The following RBFOX1 variants were observed in gnomAD, a reference collection of about 807,000 sequenced individuals.
The protein encoded by RBFOX1 is RNA binding fox-1 homolog 1.
Under a neutral mutation model 57.7 loss-of-function variants are expected in RBFOX1, and 8 were observed. The observed-to-expected ratio is 0.14, with a 90% CI of 0.08 to 0.25. The LOEUF (loss-of-function observed/expected upper bound fraction) is 0.25, where lower values mean the gene tolerates loss of function less well. RBFOX1 is among the 10% of genes least tolerant of loss of function. RBFOX1 has a pLI of 1.00. For missense variants in RBFOX1, 611 were observed against 548.5 expected (o/e 1.11, Z -1.14); for synonymous variants, 326 against 222.4 (o/e 1.47, Z -4.15).
chr16:5,920,516 C>A (rs1211611957), intron 4 of RBFOX1, among the ~76,000 whole-genome samples: 6 of 152,142 alleles, frequency 3.9e-5, no homozygotes, highest in African/African-American at 1.4e-4. Context: ...TATAGGGGAA[C>A]TGATCACAGC....
chr16:5,797,732 A>G (rs1288180258), intron 3 of RBFOX1, among the ~76,000 whole-genome samples: 2 of 152,222 alleles, frequency 1.3e-5, no homozygotes, highest in African/African-American at 4.8e-5. Context: ...AAATTAATAG[A>G]CCATTTAGAT....
intron 3 of RBFOX1, chr16:6,748,984 A>AT (rs1473642436): frequency 6.6e-6 from 1 of 152,164 alleles, no homozygotes; most frequent in African/African-American, 2.4e-5. Context: ...AATTGATAAA[A>AT]TAAAAATATT....
At chr16:6,025,748 G>A (rs1004060219) in intron 1 of RBFOX1, among the ~76,000 whole-genome samples, 2 of 152,170 alleles carry the variant, frequency 1.3e-5, no homozygotes, top group African/African-American at 2.4e-5. Flanking sequence ...GAGTGCAGCC[G>A]ACGTTGTCCA....
intron 4 of RBFOX1, among the ~76,000 whole-genome samples, chr16:7,417,093 G>T (rs137869591): frequency 6.6e-6 from 1 of 152,128 alleles, no homozygotes; most frequent in African/African-American, 2.4e-5. Flanking sequence ...AAAGAGTCCG[G>T]GCATGGTGGC....
intron 4 of RBFOX1, among the ~76,000 whole-genome samples, chr16:7,361,795 T>A (rs1193911241): frequency 6.6e-6 from 1 of 152,162 alleles, no homozygotes; most frequent in Non-Finnish European, 1.5e-5. Context: ...TGTTTGTGTG[T>A]ATGCCAGTGT....
At chr16:7,183,469 C>A (rs905387409) in intron 4 of RBFOX1, among the ~76,000 whole-genome samples, 12 of 152,130 alleles carry the variant, frequency 7.9e-5, no homozygotes, top group African/African-American at 2.9e-4. Context: ...AATAGTGAAA[C>A]CTTCGTTGGG....
chr16:7,578,187 G>A (rs1428664015), intron 5 of RBFOX1, among the ~76,000 whole-genome samples: 3 of 152,124 alleles, frequency 2.0e-5, no homozygotes, highest in Non-Finnish European at 4.4e-5. Context: ...CAGGAACTTG[G>A]CCAAGTTAGC....
chr16:6,883,682 A>T (rs1326273617), intron 3 of RBFOX1, among the ~76,000 whole-genome samples: 1 of 152,186 alleles, frequency 6.6e-6, no homozygotes, highest in African/African-American at 2.4e-5. Context: ...TGCCTCCCAC[A>T]TCCAGGCTGT....
chr16:6,589,676 T>TAGTC (rs1363203707), intron 2 of RBFOX1, among the ~76,000 whole-genome samples: 1 of 152,262 alleles, frequency 6.6e-6, no homozygotes, highest in African/African-American at 2.4e-5. Flanking sequence ...GCTCATTTGT[T>TAGTC]AGTCCTGCAA....
chr16:6,244,385 A>T (rs760841311), intron 1 of RBFOX1, among the ~76,000 whole-genome samples: 2 of 152,168 alleles, frequency 1.3e-5, no homozygotes, highest in South Asian at 4.2e-4. Context: ...GAGATCAGAG[A>T]GTCCACCCTA....
At chr16:6,037,983 C>G (rs1425829010) in intron 1 of RBFOX1, 1 of 152,014 alleles carries the variant, frequency 6.6e-6, no homozygotes, top group Non-Finnish European at 1.5e-5. Flanking sequence ...CTCTTTAGGT[C>G]TGTATACTTA....
intron 4 of RBFOX1, among the ~76,000 whole-genome samples, chr16:7,317,134 G>A (rs938495285): frequency 6.6e-6 from 1 of 152,136 alleles, no homozygotes; most frequent in African/African-American, 2.4e-5. Context: ...GGAAGTCACT[G>A]CGATACTACT....
intron 3 of RBFOX1, among the ~76,000 whole-genome samples, chr16:5,649,532 C>G (rs2049164043): frequency 6.6e-6 from 1 of 152,140 alleles, no homozygotes; most frequent in African/African-American, 2.4e-5. Flanking sequence ...TTGGTCTCTC[C>G]TAATATTTTT....
intron 3 of RBFOX1, among the ~76,000 whole-genome samples, chr16:7,020,429 G>A (rs1345414397): frequency 6.6e-6 from 1 of 152,040 alleles, no homozygotes; most frequent in Non-Finnish European, 1.5e-5. Context: ...CCATGCTGGT[G>A]AGGCTGGTCT....
intron 4 of RBFOX1, among the ~76,000 whole-genome samples, chr16:7,420,687 C>A (rs1214762048): frequency 6.6e-6 from 1 of 151,260 alleles, no homozygotes; most frequent in African/African-American, 2.4e-5. Flanking sequence ...TGATAAATAG[C>A]AGTAATTGGG....
chr16:5,454,870 C>CTTTCT (rs1567534928), intron 1 of RBFOX1, among the ~76,000 whole-genome samples: 1 of 55,048 alleles, frequency 1.8e-5, no homozygotes, highest in Admixed American at 1.8e-4. Flanking sequence ...TTCTTTCTTT[C>CTTTCT]TTTCTTTCTT....
At chr16:6,817,925 C>A (rs1603628470) in intron 3 of RBFOX1, among the ~76,000 whole-genome samples, 1 of 152,256 alleles carries the variant, frequency 6.6e-6, no homozygotes, top group South Asian at 2.1e-4. Flanking sequence ...GCCCAAAAAT[C>A]TACTGTGTCT....
chr16:7,446,790 G>T (rs1458544991), intron 4 of RBFOX1, among the ~76,000 whole-genome samples: 2 of 143,190 alleles, frequency 1.4e-5, no homozygotes, highest in African/African-American at 2.7e-5. Context: ...GCCAAGGTAG[G>T]TCTAGGTATT....
intron 2 of RBFOX1, among the ~76,000 whole-genome samples, chr16:6,620,498 G>T (rs958051226): frequency 7.9e-5 from 12 of 151,970 alleles, no homozygotes; most frequent in African/African-American, 2.2e-4. Flanking sequence ...ACCAAAATCG[G>T]AGCTGAACTG....
Sources: allele counts gnomAD v4.1 joint callset (sites outside exome capture counted in the v4.1 genomes callset), GRCh38; gene constraint gnomAD v4.1.1; transcripts MANE v1.5; gene names NCBI Gene and HGNC (gene_info 2026-07-23, HGNC 2026-07-21).